Variants in VSTM4 observed in about 807,000 individuals in gnomAD.
The protein encoded by VSTM4 is V-set and transmembrane domain-containing protein 4.
In VSTM4, 20 loss-of-function variants were observed where a neutral mutation model predicts 36.4. That is an observed-to-expected ratio of 0.55 (90% CI 0.39 to 0.80). The LOEUF (loss-of-function observed/expected upper bound fraction) is 0.80, where lower values mean the gene tolerates loss of function less well. Among genes scored for constraint, VSTM4 ranks in the 30% least tolerant of loss-of-function variants. VSTM4 has a pLI of 0.00. For missense variants in VSTM4, 392 were observed against 404.5 expected (o/e 0.97, Z 0.26); for synonymous variants, 182 against 173.9 (o/e 1.05, Z -0.37).
Position 49,048,481 on chromosome 10 carries a change from T to C in VSTM4, c.772A>G (p.Lys258Glu), listed in dbSNP as rs1168645509. Residue 258 changes from lysine to glutamate, a missense_variant, in exon 6 of 8, where the codon AAA becomes GAA. Transcript: ENST00000332853. ...KPDIPPAVPA[K>E]APIAPTFHKP... The stretch of plus-strand genomic sequence containing the variant: ...AAACTGCAGGCCAGCTCCTTACCTT[T>C]GGCAGGGACTGCGGGAGGAATGTCA... 6.3e-7 allele frequency: 1 copy of C among 1,588,414 alleles called. No homozygotes were observed. The highest frequency in any genetic ancestry group is 8.5e-7 in the Non-Finnish European group (1 of 1,171,774).
rs1453538348 is a variant in VSTM4, at chr10:49,014,327, T to C, written c.*5323A>G. 1 of 152,226 alleles carries C rather than the reference T, an allele frequency of 6.6e-6. No homozygotes were observed. Among genetic ancestry groups the C allele is most frequent in the African/African-American group, 2.4e-5 (1 of 41,460 alleles). The allele number at this position is 152,226 out of a possible 1,614,324, so 9.4% of individuals were successfully genotyped here. ...ACATCTCTAATTATATTTAAAACTG[T>C]AGAGTGCAGTACATTAACATTTAAC... On this transcript the variant is annotated 3_prime_UTR_variant, in exon 8 of 8. Transcript: ENST00000332853.
chr10:49,019,638 G>A lies in VSTM4; in HGVS notation c.*12C>T, dbSNP rs771997354. ...GCAGGTATTAAATAGAACCTTGGAG[G>A]TGGACGCTGTACTACAGCTTGTTCT... is the stretch of plus-strand genomic sequence containing the variant. On this transcript the variant is annotated 3_prime_UTR_variant, in exon 8 of 8. Transcript: ENST00000332853. The A allele has an allele frequency of 3.1e-6, 5 of 1,597,492 alleles. No homozygotes were observed. The highest frequency in any genetic ancestry group is 1.7e-5 in the Admixed American group (1 of 57,498).
intron 1 of VSTM4, 66 bp from the exon 2 acceptor site, chr10:49,108,061 G>T: frequency 6.8e-7 from 1 of 1,474,574 alleles, no homozygotes; most frequent in Non-Finnish European, 9.0e-7. Context: ...GCAGTCCACA[G>T]TCGAGGAGCC....
At chr10:49,060,495 T>A (rs187498841) in intron 5 of VSTM4, among the ~76,000 whole-genome samples, 108 of 152,372 alleles carry the variant, frequency 7.1e-4, no homozygotes, top group African/African-American at 2.3e-3. Context: ...CATTTGGATA[T>A]CTTCTTTAGG....
At chr10:49,066,377 A>G (rs1362060951) in intron 4 of VSTM4, among the ~76,000 whole-genome samples, 1 of 152,220 alleles carries the variant, frequency 6.6e-6, no homozygotes, top group Non-Finnish European at 1.5e-5. Flanking sequence ...TGTTTCTAAT[A>G]CTTTGCTTTC....
At chr10:49,046,569 A>G (rs1242315742) in intron 7 of VSTM4, among the ~76,000 whole-genome samples, 3 of 152,228 alleles carry the variant, frequency 2.0e-5, no homozygotes, top group Admixed American at 2.0e-4. Context: ...GGTACATGGG[A>G]CCACTCTGTG....
rs185598565 is a variant in VSTM4 at position 49,077,396 on chromosome 10, C to T, written c.527-70G>A. 6.1e-5 allele frequency: 86 copies of T among 1,399,262 alleles called. No homozygotes were observed. The African/African-American group carries it at 1.1e-3, about 18-fold the overall frequency. 86.7% of individuals were successfully genotyped at this position (1,399,262 alleles called of 1,614,324 possible). ...CAGCAGAAGTGCGCTGGCAAGAGAA[C>T]AATCAGAATTGGAATATTTGAAATC... On this transcript the variant is annotated intron_variant, in intron 3 of 7. Transcript: ENST00000332853.
chr10:49,033,235 T>G (rs1221684615), intron 7 of VSTM4, among the ~76,000 whole-genome samples: 1 of 152,190 alleles, frequency 6.6e-6, no homozygotes, highest in Admixed American at 6.5e-5. Context: ...CTATACGTAC[T>G]GATGTAGAAA....
At chr10:49,095,258 C>T (rs1003972678) in intron 2 of VSTM4, among the ~76,000 whole-genome samples, 4 of 152,048 alleles carry the variant, frequency 2.6e-5, no homozygotes, top group Admixed American at 1.3e-4. Flanking sequence ...GCTATATATC[C>T]ACTTGCTACT....
chr10:49,014,757 CT>C lies in VSTM4; in HGVS notation c.*4892del, dbSNP rs1843079220. 1.3e-5 allele frequency: 2 copies of C among 152,778 alleles called. No homozygotes were observed. The highest frequency in any genetic ancestry group is 4.8e-5 in the African/African-American group (2 of 41,578). The allele number at this position is 152,778 out of a possible 1,614,324, so 9.5% of individuals were successfully genotyped here. ...TCCTTTGAGACACCCCTAGGAGCAGCTTTCTCCTGGCTCTCCCCTGCTGCTG... is the reference window on the plus strand; with the variant it reads ...TCCTTTGAGACACCCCTAGGAGCAGCTTCTCCTGGCTCTCCCCTGCTGCTG... On this transcript the variant is annotated 3_prime_UTR_variant, in exon 8 of 8. Coordinates refer to ENST00000332853, the MANE Select transcript of VSTM4 (RefSeq NM_001031746.5).
chr10:49,068,311 AT>A lies in VSTM4; in HGVS notation c.635-3576del, dbSNP rs1844010201. ...ATCCCATGAGCTGACCGGTGTTTTG[AT>A]AAGTCCAGTGCTCGAGGTAGCAAGG... On this transcript the variant is annotated intron_variant, in intron 4 of 7. Coordinates refer to ENST00000332853, the MANE Select transcript of VSTM4 (RefSeq NM_001031746.5). Among the ~76,000 whole-genome samples, 3 of 152,108 alleles carry A rather than the reference AT, an allele frequency of 2.0e-5. No individual in the cohort carries two copies. In the South Asian group the frequency reaches 6.2e-4, roughly 32 times the overall value.
At chr10:49,039,126 G>A (rs12779820) in intron 7 of VSTM4, among the ~76,000 whole-genome samples, 4 of 152,192 alleles carry the variant, frequency 2.6e-5, no homozygotes, top group Non-Finnish European at 5.9e-5. Context: ...AGATTCCAGA[G>A]AAGTGGGGGG....
intron 7 of VSTM4, among the ~76,000 whole-genome samples, chr10:49,024,267 C>T (rs1015978359): frequency 2.0e-5 from 3 of 152,160 alleles, no homozygotes; most frequent in Non-Finnish European, 4.4e-5. Context: ...CCCTTAGTCT[C>T]ACTTTTCATA....
At chr10:49,079,632 T>A (rs1461739603) in intron 3 of VSTM4, among the ~76,000 whole-genome samples, 2 of 152,150 alleles carry the variant, frequency 1.3e-5, no homozygotes, top group Non-Finnish European at 2.9e-5. Context: ...ACACAAAGGC[T>A]TTCTCTTCAA....
intron 2 of VSTM4, among the ~76,000 whole-genome samples, chr10:49,104,048 C>T (rs1306869582): frequency 6.6e-6 from 1 of 152,184 alleles, no homozygotes; most frequent in Non-Finnish European, 1.5e-5. Context: ...CCTGTAATCT[C>T]AGCACTTTGG....
intron 4 of VSTM4, among the ~76,000 whole-genome samples, chr10:49,073,943 G>A (rs1844128314): frequency 6.6e-6 from 1 of 152,210 alleles, no homozygotes; most frequent in African/African-American, 2.4e-5. Context: ...ATTGGCTGAA[G>A]AGTGTTTTCT....
chr10:49,032,538 C>T (rs1348927189), intron 7 of VSTM4, among the ~76,000 whole-genome samples: 9 of 152,322 alleles, frequency 5.9e-5, no homozygotes, highest in African/African-American at 1.7e-4. Context: ...GAGGATGCTG[C>T]TGGCTGCAAC....
chr10:49,102,336 A>G (rs1844682885), intron 2 of VSTM4: 1 of 873,302 alleles, frequency 1.1e-6, no homozygotes, highest in Non-Finnish European at 1.4e-6. Flanking sequence ...GGGTTTCACC[A>G]TGTTGGCCAG....
chr10:49,070,756 A>G (rs1366402505), intron 4 of VSTM4, among the ~76,000 whole-genome samples: 1 of 152,248 alleles, frequency 6.6e-6, no homozygotes, highest in Non-Finnish European at 1.5e-5. Context: ...CCCACAAAGG[A>G]AAGATGGGTG....
Sources: allele counts gnomAD v4.1 joint callset (sites outside exome capture counted in the v4.1 genomes callset), GRCh38; gene constraint gnomAD v4.1.1; transcripts MANE v1.5; gene names NCBI Gene and HGNC (gene_info 2026-07-23, HGNC 2026-07-21).